Variants in DLGAP1 observed in about 807,000 individuals in gnomAD.
DLGAP1 encodes the protein disks large-associated protein 1.
In DLGAP1, 11 loss-of-function variants were observed where a neutral mutation model predicts 90.8. The ratio of observed to expected loss-of-function variants is 0.12; its 90% CI spans 0.08 to 0.20. DLGAP1 has a LOEUF of 0.20. DLGAP1 is among the 10% of genes least tolerant of loss of function. DLGAP1 has a pLI of 1.00. For synonymous variants in DLGAP1, 558 were observed against 540.7 expected, an observed-to-expected ratio of 1.03 and a Z score of -0.44; for missense variants, 1,050 against 1,333.8, an observed-to-expected ratio of 0.79 and a Z score of 3.31.
chr18:4,027,065 C>G (rs1486298765), intron 2 of DLGAP1, among the ~76,000 whole-genome samples: 3 of 152,034 alleles, frequency 2.0e-5, no homozygotes, highest in Non-Finnish European at 4.4e-5. Context: ...AGTTTTATGT[C>G]AGGTGAATAT....
intron 10 of DLGAP1, among the ~76,000 whole-genome samples, chr18:3,522,087 T>C (rs1325772463): frequency 6.6e-6 from 1 of 151,622 alleles, no homozygotes; most frequent in Non-Finnish European, 1.5e-5. Flanking sequence ...TTTCCTTATA[T>C]TCAAGTTTTG....
intron 1 of DLGAP1, among the ~76,000 whole-genome samples, chr18:4,283,814 T>TA (rs34740676): frequency 0.35 from 52,891 of 151,998 alleles, 10,748 homozygotes; most frequent in African/African-American, 0.57. Context: ...CACTCTTTTT[T>TA]ATAAAACTAT....
intron 1 of DLGAP1, among the ~76,000 whole-genome samples, chr18:4,368,732 A>AT (rs1245082732): frequency 9.3e-5 from 14 of 150,826 alleles, no homozygotes; most frequent in Admixed American, 2.0e-4. Context: ...GTAGATTTAT[A>AT]TTTTTTTCTA....
chr18:4,057,422 A>G (rs1245917303), intron 2 of DLGAP1, among the ~76,000 whole-genome samples: 1 of 152,224 alleles, frequency 6.6e-6, no homozygotes, highest in Non-Finnish European at 1.5e-5. Context: ...CTGTGTGTGC[A>G]GCCCCTCCCA....
intron 4 of DLGAP1, among the ~76,000 whole-genome samples, chr18:3,844,773 T>G (rs1254600117): frequency 6.6e-6 from 1 of 152,232 alleles, no homozygotes; most frequent in Non-Finnish European, 1.5e-5. Context: ...TAACATGTAC[T>G]TAGAAATGAA....
chr18:3,880,149 A>G lies in DLGAP1; in HGVS notation c.-72-9T>C. 1 of 1,358,152 alleles carries G rather than the reference A, an allele frequency of 7.4e-7. No individual in the cohort carries two copies. Among genetic ancestry groups the G allele is most frequent in the South Asian group, 1.2e-5 (1 of 83,438 alleles). 84.1% of individuals were successfully genotyped at this position (1,358,152 alleles called of 1,614,324 possible). Reference sequence around the variant, plus strand: ...CCGTCTTGGGCAGGGATCTGGGGGAATGAAGAAAAGGGCAAAGTCGTTAAC... The same window carrying G: ...CCGTCTTGGGCAGGGATCTGGGGGAGTGAAGAAAAGGGCAAAGTCGTTAAC... On this transcript the variant is annotated splice_polypyrimidine_tract_variant and intron_variant, in intron 3 of 12. Coordinates refer to ENST00000315677, the MANE Select transcript of DLGAP1 (RefSeq NM_004746.4).
At chr18:3,602,111 C>T (rs139760170) in intron 7 of DLGAP1, among the ~76,000 whole-genome samples, 40 of 152,288 alleles carry the variant, frequency 2.6e-4, no homozygotes, top group African/African-American at 8.4e-4. Flanking sequence ...AGCCGGGTGC[C>T]GCGCAGCTTT....
At chr18:4,241,683 C>T (rs760708525) in intron 1 of DLGAP1, among the ~76,000 whole-genome samples, 57 of 152,106 alleles carry the variant, frequency 3.7e-4, no homozygotes, top group African/African-American at 1.2e-3. Context: ...ATATGGGATG[C>T]CACCAATAAA....
At chr18:3,680,788 C>CAG (rs541099257) in intron 7 of DLGAP1, among the ~76,000 whole-genome samples, 6 of 94,744 alleles carry the variant, frequency 6.3e-5, no homozygotes, top group Admixed American at 1.2e-4. Flanking sequence ...GACTCCGTCT[C>CAG]AAAAAAAAAA....
At chr18:3,631,704 A>G (rs963689166) in intron 7 of DLGAP1, among the ~76,000 whole-genome samples, 1 of 152,116 alleles carries the variant, frequency 6.6e-6, no homozygotes, top group Non-Finnish European at 1.5e-5. Context: ...CCGTGATTGC[A>G]CCACTGTACT....
rs2064894667 is a variant in DLGAP1, at chr18:3,775,413, T to G, written c.1173-32901A>C. Reference sequence around the variant, plus strand: ...ATAGAGTTCTCAAGAGATCTGGTTGTTTGAATGCGTATAGCACTTCCCCCT... The same window carrying G: ...ATAGAGTTCTCAAGAGATCTGGTTGGTTGAATGCGTATAGCACTTCCCCCT... On this transcript the variant is annotated intron_variant, in intron 5 of 12. Coordinates refer to ENST00000315677, the MANE Select transcript of DLGAP1 (RefSeq NM_004746.4). This position sits in a 1 kb window ranked among gnomAD's most constrained non-coding sequence, Gnocchi z 4.9. Among the ~76,000 whole-genome samples, 2 of 152,154 alleles carry G rather than the reference T, an allele frequency of 1.3e-5. No individual in the cohort carries two copies. The highest frequency in any genetic ancestry group is 2.9e-5 in the Non-Finnish European group (2 of 68,032).
At chr18:3,611,132 T>TA (rs879375557) in intron 7 of DLGAP1, among the ~76,000 whole-genome samples, 222 of 145,344 alleles carry the variant, frequency 1.5e-3, no homozygotes, top group African/African-American at 3.7e-3. Context: ...ACCCTGTCTT[T>TA]AAAAAAAAAA....
intron 3 of DLGAP1, among the ~76,000 whole-genome samples, chr18:3,939,827 C>A (rs1599189931): frequency 3.9e-5 from 6 of 152,272 alleles, no homozygotes; most frequent in Admixed American, 2.0e-4. Context: ...ACAAAGAAAA[C>A]AATCCCTTTG....
At chr18:3,588,785 A>AG (rs998697457) in intron 7 of DLGAP1, among the ~76,000 whole-genome samples, 1 of 150,692 alleles carries the variant, frequency 6.6e-6, no homozygotes, top group African/African-American at 2.4e-5. Flanking sequence ...ATCTCAAAAA[A>AG]AAAAAAAAGA....
chr18:4,321,280 C>T (rs1201048703), intron 1 of DLGAP1, among the ~76,000 whole-genome samples: 1 of 152,170 alleles, frequency 6.6e-6, no homozygotes, highest in Non-Finnish European at 1.5e-5. Context: ...AGCCATAAAA[C>T]ATTAATTACA....
intron 1 of DLGAP1, among the ~76,000 whole-genome samples, chr18:4,406,002 T>G (rs935879929): frequency 2.3e-4 from 35 of 152,244 alleles, no homozygotes; most frequent in Non-Finnish European, 1.0e-4. Flanking sequence ...TGGAATTTTC[T>G]GGGGTATTTA....
intron 2 of DLGAP1, among the ~76,000 whole-genome samples, chr18:4,089,565 C>T (rs527245298): frequency 6.6e-6 from 1 of 152,314 alleles, no homozygotes; most frequent in South Asian, 2.1e-4. Context: ...TACAAGGCTA[C>T]AGTAACCAAA....
intron 3 of DLGAP1, among the ~76,000 whole-genome samples, chr18:3,942,074 T>C (rs188022551): frequency 7.9e-5 from 12 of 152,176 alleles, no homozygotes; most frequent in South Asian, 6.2e-4. Flanking sequence ...AGAGACAACA[T>C]GTATAGTGAA....
intron 2 of DLGAP1, among the ~76,000 whole-genome samples, chr18:4,128,351 A>G (rs1287426369): frequency 6.6e-6 from 1 of 152,152 alleles, no homozygotes; most frequent in East Asian, 1.9e-4. Context: ...TGCAAATACT[A>G]CATCATTTTA....
Sources: allele counts gnomAD v4.1 joint callset (sites outside exome capture counted in the v4.1 genomes callset), GRCh38; gene constraint gnomAD v4.1.1; non-coding constraint Gnocchi (gnomAD v3.1); transcripts MANE v1.5; gene names NCBI Gene and HGNC (gene_info 2026-07-23, HGNC 2026-07-21).